STN1: variants seen among roughly 807,000 people sequenced by gnomAD.
STN1 encodes CST complex subunit STN1.
A neutral mutation model predicts 45.5 loss-of-function variants in STN1; 29 were observed. The observed-to-expected ratio is 0.64, with a 90% CI of 0.47 to 0.87. The LOEUF (loss-of-function observed/expected upper bound fraction) is 0.87. Ranked by LOEUF, STN1 falls within the 40% of genes least tolerant of loss-of-function variation. The probability of loss-of-function intolerance (pLI) is 0.00; values close to 1 mark genes in which losing one functional copy is unlikely to be tolerated. For synonymous variants in STN1, 148 were observed against 159.0 expected, an observed-to-expected ratio of 0.93 and a Z score of 0.52; for missense variants, 376 against 441.4, an observed-to-expected ratio of 0.85 and a Z score of 1.33.
chr10:103,883,108 T>A (rs1165369052), intron 9 of STN1, among the ~76,000 whole-genome samples: 1 of 152,248 alleles, frequency 6.6e-6, no homozygotes, highest in African/African-American at 2.4e-5. Context: ...AAGATTTTTT[T>A]ATCTGTAACC....
At chr10:103,908,618 C>T (rs955358029) in intron 3 of STN1, among the ~76,000 whole-genome samples, 5 of 152,186 alleles carry the variant, frequency 3.3e-5, no homozygotes, top group African/African-American at 1.2e-4. Flanking sequence ...CCTCTCTACT[C>T]TCAATAATTT....
intron 4 of STN1, among the ~76,000 whole-genome samples, chr10:103,902,025 T>A (rs1409143161): frequency 6.6e-6 from 1 of 152,226 alleles, no homozygotes; most frequent in Admixed American, 6.5e-5. Flanking sequence ...TGATCTACTC[T>A]CTGTATTTCT....
chr10:103,915,531 G>T (rs550791719), intron 2 of STN1, among the ~76,000 whole-genome samples: 2 of 152,290 alleles, frequency 1.3e-5, no homozygotes, highest in East Asian at 3.9e-4. Flanking sequence ...AAGGGCAAAG[G>T]TCAGTGAAAT....
chr10:103,906,572 A>G (rs1843243049), intron 3 of STN1, among the ~76,000 whole-genome samples: 1 of 152,094 alleles, frequency 6.6e-6, no homozygotes, highest in Non-Finnish European at 1.5e-5. Flanking sequence ...GAGGTGGGAG[A>G]ATTGCTTGAG....
chr10:103,893,446 G>A (rs895377636), intron 7 of STN1, among the ~76,000 whole-genome samples: 1 of 152,150 alleles, frequency 6.6e-6, no homozygotes, highest in African/African-American at 2.4e-5. Flanking sequence ...GGGATTACAG[G>A]TGTGAGCCAC....
chr10:103,907,039 G>C (rs1843246169), intron 3 of STN1, among the ~76,000 whole-genome samples: 1 of 151,790 alleles, frequency 6.6e-6, no homozygotes, highest in Non-Finnish European at 1.5e-5. Flanking sequence ...TTGAGTCCAA[G>C]AGTTTGGGGC....
At chr10:103,904,442 C>A in intron 4 of STN1, among the ~76,000 whole-genome samples, 1 of 147,300 alleles carries the variant, frequency 6.8e-6, no homozygotes. Flanking sequence ...ATAGTGAGAA[C>A]CTAACTTTAA....
chr10:103,889,995 G>A (rs1366213131), intron 8 of STN1, among the ~76,000 whole-genome samples: 1 of 152,008 alleles, frequency 6.6e-6, no homozygotes, highest in Non-Finnish European at 1.5e-5. Flanking sequence ...GTGAGCCACC[G>A]CACCTGGCCA....
chr10:103,909,446 ATATATG>A lies in STN1; in HGVS notation c.229+1075_229+1080del, dbSNP rs1311639496. Among the ~76,000 whole-genome samples the A allele has an allele frequency of 2.0e-4, 17 of 85,440 alleles. 1 individual carries two copies. Among genetic ancestry groups the A allele is most frequent in the Admixed American group, 9.7e-4 (6 of 6,204 alleles). 56.1% of individuals were successfully genotyped at this position (85,440 alleles called of 152,430 possible). A position where few individuals can be genotyped will look rare whatever the true frequency, so the allele number is the denominator to read the frequency against. On this transcript the variant is annotated intron_variant, in intron 3 of 9. Coordinates refer to ENST00000224950, the MANE Select transcript of STN1 (RefSeq NM_024928.5). Reference sequence around the variant, plus strand: ...TATGTATATATATGTATATATATGTATATATGTATATATGTATATATATGTATATAT... The same window carrying A: ...TATGTATATATATGTATATATATGTATATATATGTATATATATGTATATAT...
chr10:103,896,840 G>T (rs764552293), intron 7 of STN1, among the ~76,000 whole-genome samples: 4 of 151,792 alleles, frequency 2.6e-5, no homozygotes, highest in Admixed American at 6.6e-5. Flanking sequence ...CTGGCCCCTC[G>T]TTACTTAATC....
At chr10:103,916,708 G>A (rs551730578) in intron 2 of STN1, among the ~76,000 whole-genome samples, 4 of 151,250 alleles carry the variant, frequency 2.6e-5, no homozygotes, top group African/African-American at 9.7e-5. Flanking sequence ...ACACAGCTAC[G>A]TGAATTATTT....
intron 3 of STN1, among the ~76,000 whole-genome samples, chr10:103,905,864 T>C (rs1042496795): frequency 1.3e-5 from 2 of 152,204 alleles, no homozygotes; most frequent in Non-Finnish European, 2.9e-5. Flanking sequence ...AATCAAACAA[T>C]TCCCATTGCA....
intron 7 of STN1, among the ~76,000 whole-genome samples, chr10:103,895,436 T>A (rs1032056281): frequency 6.6e-6 from 1 of 152,172 alleles, no homozygotes; most frequent in Non-Finnish European, 1.5e-5. Flanking sequence ...GATAGAATCA[T>A]CAGAAGTCCT....
chr10:103,902,085 G>A (rs1843213220), intron 4 of STN1, among the ~76,000 whole-genome samples: 1 of 152,122 alleles, frequency 6.6e-6, no homozygotes. Context: ...TTTGACAACT[G>A]TGGCTCTGTA....
At chr10:103,910,494 C>A in intron 3 of STN1, 33 bp downstream of exon 3, 1 of 1,440,004 alleles carries the variant, frequency 6.9e-7, no homozygotes, top group Non-Finnish European at 9.8e-7. Flanking sequence ...CAGCCTTCTA[C>A]ATCAACTTCA....
chr10:103,888,054 A>G (rs1243778571), intron 9 of STN1, among the ~76,000 whole-genome samples: 1 of 152,234 alleles, frequency 6.6e-6, no homozygotes, highest in South Asian at 2.1e-4. Context: ...TGAAGTGAAC[A>G]AAGTCCATTC....
intron 2 of STN1, among the ~76,000 whole-genome samples, chr10:103,914,374 A>ATTTTTTTTTTTT (rs1264013304): frequency 2.1e-5 from 2 of 97,364 alleles, no homozygotes; most frequent in African/African-American, 9.8e-5. Flanking sequence ...ATATATATAT[A>ATTTTTTTTTTTT]TTTTTTTTTT....
At chr10:103,892,080 AT>A in intron 8 of STN1, 49 bp downstream of exon 8, 1 of 1,383,520 alleles carries the variant, frequency 7.2e-7, no homozygotes, top group Non-Finnish European at 9.9e-7. Context: ...TAATAAATAT[AT>A]TTGTAATTGA....
chr10:103,914,362 A>ATTT (rs1564636144), intron 2 of STN1, among the ~76,000 whole-genome samples: 5 of 12,448 alleles, frequency 4.0e-4, no homozygotes, highest in Non-Finnish European at 7.1e-4. Flanking sequence ...ATATATATAT[A>ATTT]TATATATATA....
Sources: allele counts gnomAD v4.1 joint callset (sites outside exome capture counted in the v4.1 genomes callset), GRCh38; gene constraint gnomAD v4.1.1; transcripts MANE v1.5; gene names NCBI Gene and HGNC (gene_info 2026-07-23, HGNC 2026-07-21).